KLRG1: variants seen among roughly 807,000 people sequenced by gnomAD.
KLRG1 encodes the protein killer cell lectin like receptor G1.
In KLRG1, 16 loss-of-function variants were observed where a neutral mutation model predicts 21.8. The ratio of observed to expected loss-of-function variants is 0.73; its 90% CI spans 0.50 to 1.11. The LOEUF (loss-of-function observed/expected upper bound fraction) is 1.11, where lower values mean the gene tolerates loss of function less well. Among genes scored for constraint, KLRG1 ranks in the 50% most tolerant of loss-of-function variants. The pLI is 0.00. For missense variants in KLRG1, 173 were observed against 218.3 expected (o/e 0.79, Z 1.31); for synonymous variants, 69 against 75.9 (o/e 0.91, Z 0.47).
At chr12:9,053,505 A>G in the KLRG1 span, among the ~76,000 whole-genome samples, 3 of 152,140 alleles carry the variant, frequency 2.0e-5, no homozygotes, top group Admixed American at 1.3e-4. Context: ...AGGAGGTGCT[A>G]CTTCCTACCA....
At chr12:9,165,375 G>C in the KLRG1 span, 2 of 1,613,616 alleles carry the variant, frequency 1.2e-6, no homozygotes, top group Non-Finnish European at 1.7e-6. Flanking sequence ...GAGCTGGGGA[G>C]GAGGGCAAGT....
chr12:9,059,379 A>G, the KLRG1 span, among the ~76,000 whole-genome samples: 1 of 152,210 alleles, frequency 6.6e-6, no homozygotes, highest in South Asian at 2.1e-4. Context: ...ATTTGGTACT[A>G]TATGAATTCA....
At chr12:9,158,783 ATGT>A in the KLRG1 span, among the ~76,000 whole-genome samples, 2,801 of 116,014 alleles carry the variant, frequency 0.024, 44 homozygotes, top group Non-Finnish European at 0.036. Flanking sequence ...TTGCTGCCAC[ATGT>A]TGTTCAATTC....
chr12:8,999,277 T>C (rs1947235796), intron 3 of KLRG1, among the ~76,000 whole-genome samples: 1 of 152,222 alleles, frequency 6.6e-6, no homozygotes, highest in Non-Finnish European at 1.5e-5. Flanking sequence ...TGGTTCCTTA[T>C]AGTTATTGGT....
At chr12:8,961,909 G>A (rs752636732) in intron 1 of KLRG1, among the ~76,000 whole-genome samples, 2 of 152,210 alleles carry the variant, frequency 1.3e-5, no homozygotes, top group Admixed American at 6.5e-5. Context: ...AACATAGGAA[G>A]ACCTCATCTC....
chr12:9,089,142 C>A, the KLRG1 span: 162 of 1,297,886 alleles, frequency 1.2e-4, no homozygotes, highest in Non-Finnish European at 5.2e-5. Context: ...TATAAATGTT[C>A]TTTGAACTTT....
the KLRG1 span, among the ~76,000 whole-genome samples, chr12:9,182,462 G>A: frequency 5.9e-5 from 9 of 151,980 alleles, no homozygotes; most frequent in Admixed American, 5.2e-4. Context: ...CAGACTAGAG[G>A]TGATTCTCAA....
At chr12:9,001,416 C>T (rs894342633) in intron 3 of KLRG1, among the ~76,000 whole-genome samples, 18 of 152,118 alleles carry the variant, frequency 1.2e-4, no homozygotes, top group Non-Finnish European at 2.4e-4. Context: ...CGCTCTGTGA[C>T]CCGCCCAGCT....
intron 1 of KLRG1, among the ~76,000 whole-genome samples, chr12:8,957,304 T>C (rs939640782): frequency 1.3e-5 from 2 of 152,244 alleles, no homozygotes; most frequent in African/African-American, 4.8e-5. Context: ...AATGAGAATA[T>C]GTTTCTGTTC....
the KLRG1 span, among the ~76,000 whole-genome samples, chr12:9,056,053 G>A: frequency 6.6e-6 from 1 of 152,218 alleles, no homozygotes; most frequent in East Asian, 1.9e-4. Context: ...TAGGAGGACT[G>A]CTTTTGAGAG....
the KLRG1 span, among the ~76,000 whole-genome samples, chr12:9,210,626 C>G: frequency 6.6e-6 from 1 of 152,110 alleles, no homozygotes; most frequent in Non-Finnish European, 1.5e-5. Flanking sequence ...ATATATATAA[C>G]CAACCATTCC....
the KLRG1 span, among the ~76,000 whole-genome samples, chr12:9,130,219 G>A: frequency 3.3e-5 from 5 of 152,068 alleles, no homozygotes; most frequent in South Asian, 2.1e-4. Flanking sequence ...CATTTGGCTC[G>A]CTTTTACTTC....
At chr12:9,170,900 G>T in the KLRG1 span, among the ~76,000 whole-genome samples, 1 of 152,156 alleles carries the variant, frequency 6.6e-6, no homozygotes, top group Non-Finnish European at 1.5e-5. The surrounding 1 kb of genome is among the most constrained non-coding windows in gnomAD (Gnocchi z 4.6). Context: ...CTGCAGTTTG[G>T]TTGACTCTGC....
At chr12:9,192,765 G>T in the KLRG1 span, 3 of 1,491,278 alleles carry the variant, frequency 2.0e-6, no homozygotes, top group South Asian at 1.1e-5. Flanking sequence ...AGCAAAGAAA[G>T]AATACTGTCT....
the KLRG1 span, among the ~76,000 whole-genome samples, chr12:9,049,827 A>G: frequency 3.3e-5 from 5 of 152,106 alleles, no homozygotes; most frequent in African/African-American, 1.2e-4. Context: ...CATATAAAAA[A>G]CGTATTTGAA....
the KLRG1 span, among the ~76,000 whole-genome samples, chr12:9,197,433 T>G: frequency 7.3e-6 from 1 of 136,232 alleles, no homozygotes; most frequent in African/African-American, 2.8e-5. Flanking sequence ...TAATTATTAA[T>G]TATTGGAGTA....
At chr12:9,188,559 C>A in the KLRG1 span, among the ~76,000 whole-genome samples, 85,199 of 151,976 alleles carry the variant, frequency 0.56, 23,921 homozygotes, top group Admixed American at 0.63. Context: ...AGGGCATCAG[C>A]ATAGGAAGAG....
intron 1 of KLRG1, among the ~76,000 whole-genome samples, chr12:8,981,946 T>C (rs1474726317): frequency 6.6e-6 from 1 of 152,234 alleles, no homozygotes; most frequent in Non-Finnish European, 1.5e-5. Context: ...TTGTTATATA[T>C]GCTTGATGCA....
the KLRG1 span, chr12:9,110,326 T>TTC: frequency 6.9e-7 from 1 of 1,445,922 alleles, no homozygotes; most frequent in Non-Finnish European, 9.3e-7. Flanking sequence ...GAATGTATAC[T>TTC]AGTGGAATCT....
Sources: allele counts gnomAD v4.1 joint callset (sites outside exome capture counted in the v4.1 genomes callset), GRCh38; gene constraint gnomAD v4.1.1; non-coding constraint Gnocchi (gnomAD v3.1); transcripts MANE v1.5; gene names NCBI Gene and HGNC (gene_info 2026-07-23, HGNC 2026-07-21).